Variants in CYRIA observed in about 807,000 individuals in gnomAD.
The protein encoded by CYRIA is CYFIP-related Rac1 interactor A.
Under a neutral mutation model 43.9 loss-of-function variants are expected in CYRIA, and 15 were observed. The ratio of observed to expected loss-of-function variants is 0.34; its 90% confidence interval spans 0.23 to 0.53. The LOEUF (loss-of-function observed/expected upper bound fraction) is 0.53. Among genes scored for constraint, CYRIA ranks in the 20% least tolerant of loss-of-function variants. CYRIA has a pLI of 0.94. For missense variants in CYRIA, 236 were observed against 394.2 expected, an observed-to-expected ratio of 0.60 and a Z score of 3.40; for synonymous variants, 117 against 136.0, an observed-to-expected ratio of 0.86 and a Z score of 0.97.
intron 3 of CYRIA, among the ~76,000 whole-genome samples, chr2:16,571,408 G>A (rs1236943290): frequency 6.6e-6 from 1 of 152,328 alleles, no homozygotes; most frequent in African/African-American, 2.4e-5. Flanking sequence ...TTTGGGGAAG[G>A]TCTTCGGTGA....
At chr2:16,636,849 G>A (rs368303288) in intron 1 of CYRIA, among the ~76,000 whole-genome samples, 32 of 152,184 alleles carry the variant, frequency 2.1e-4, no homozygotes, top group East Asian at 7.7e-4. Flanking sequence ...GGTGGCATGC[G>A]CCTGTAGTTC....
chr2:16,614,417 A>G (rs982127621), intron 2 of CYRIA, among the ~76,000 whole-genome samples: 1 of 152,242 alleles, frequency 6.6e-6, no homozygotes, highest in Non-Finnish European at 1.5e-5. Context: ...GTGTAAGCCC[A>G]GCCTGGCTCC....
intron 2 of CYRIA, among the ~76,000 whole-genome samples, chr2:16,590,791 C>G (rs1406395342): frequency 6.6e-6 from 1 of 152,114 alleles, no homozygotes; most frequent in Non-Finnish European, 1.5e-5. Context: ...TGACTGTGGA[C>G]ACTGTGTAGA....
In CYRIA at chr2:16,612,747, TC is replaced by T. The variant is rs568040630; in HGVS notation, c.-11+11116del. Among the ~76,000 whole-genome samples the T allele has an allele frequency of 2.9e-3, 444 of 152,252 alleles. 2 individuals are homozygous for T. The highest frequency in any genetic ancestry group is 0.025 in the South Asian group (119 of 4,832). On this transcript the variant is annotated intron_variant, in intron 2 of 11. Coordinates refer to ENST00000381323, the MANE Select transcript of CYRIA (RefSeq NM_030797.4). ...ATAGATGCTGCAAAATAGCAATGTC[TC>T]CCCACCAAGCGGAGGTGGATGCTCA...
chr2:16,651,442 AAAT>A (rs1186221796), intron 1 of CYRIA, among the ~76,000 whole-genome samples: 1 of 152,244 alleles, frequency 6.6e-6, no homozygotes, highest in Non-Finnish European at 1.5e-5. Flanking sequence ...CAGCTGGAAA[AAAT>A]CCCTAAACAG....
intron 2 of CYRIA, among the ~76,000 whole-genome samples, chr2:16,613,703 T>C (rs1431609756): frequency 6.6e-6 from 1 of 152,158 alleles, no homozygotes; most frequent in African/African-American, 2.4e-5. Context: ...CGAACACAAA[T>C]GCAGAAATTT....
chr2:16,656,096 G>C (rs1211616573), intron 1 of CYRIA, among the ~76,000 whole-genome samples: 1 of 152,118 alleles, frequency 6.6e-6, no homozygotes, highest in Non-Finnish European at 1.5e-5. Flanking sequence ...AGAGTGCCTG[G>C]CAGATTCCTG....
At chr2:16,613,845 A>T (rs931983594) in intron 2 of CYRIA, among the ~76,000 whole-genome samples, 7 of 152,244 alleles carry the variant, frequency 4.6e-5, no homozygotes, top group African/African-American at 1.7e-4. Flanking sequence ...TAGTAACTCA[A>T]TTGCTGCTTC....
rs759942980 is a variant in CYRIA at position 16,623,883 on chromosome 2, T to C, written c.-30A>G. ...TCTTACCTGGAAATATCTCCTGTGA[T>C]TCAGTTTCACCAATCCAGGCTGATG... On this transcript the variant is annotated 5_prime_UTR_variant, in exon 2 of 12. Coordinates refer to ENST00000381323, the MANE Select transcript of CYRIA (RefSeq NM_030797.4). 3 of 152,242 alleles carry C rather than the reference T, an allele frequency of 2.0e-5. No homozygotes were observed. Among genetic ancestry groups the C allele is most frequent in the African/African-American group, 4.8e-5 (2 of 41,466 alleles). The allele number at this position is 152,242 out of a possible 1,614,324, so 9.4% of individuals were successfully genotyped here.
At chr2:16,623,082 T>A (rs1208939606) in intron 2 of CYRIA, 1 of 152,204 alleles carries the variant, frequency 6.6e-6, no homozygotes, top group African/African-American at 2.4e-5. Flanking sequence ...TGTGTGGCCA[T>A]CTCAGTGTGT....
chr2:16,644,686 G>A (rs942104290), intron 1 of CYRIA, among the ~76,000 whole-genome samples: 1 of 152,196 alleles, frequency 6.6e-6, no homozygotes, highest in African/African-American at 2.4e-5. Context: ...GGCTCTAGAA[G>A]TAACTTCCTT....
intron 1 of CYRIA, among the ~76,000 whole-genome samples, chr2:16,649,086 T>TAACAACAA (rs748632891): frequency 4.8e-4 from 73 of 152,032 alleles, no homozygotes; most frequent in South Asian, 3.5e-3. Context: ...AATAAAAAAA[T>TAACAACAA]AACAACAATA....
intron 2 of CYRIA, among the ~76,000 whole-genome samples, chr2:16,602,819 T>G (rs1479030241): frequency 1.3e-5 from 2 of 152,194 alleles, no homozygotes; most frequent in Non-Finnish European, 2.9e-5. Flanking sequence ...CAAGTTCATT[T>G]TCTAAGACAT....
chr2:16,561,752 T>G (rs1666742342), intron 6 of CYRIA, among the ~76,000 whole-genome samples: 1 of 152,208 alleles, frequency 6.6e-6, no homozygotes, highest in Non-Finnish European at 1.5e-5. Flanking sequence ...TTGGTCTCAA[T>G]GTGGAACAGA....
chr2:16,658,298 G>A lies in CYRIA; in HGVS notation c.-167+7482C>T, dbSNP rs926551236. On this transcript the variant is annotated intron_variant, in intron 1 of 11. Coordinates refer to ENST00000381323, the MANE Select transcript of CYRIA (RefSeq NM_030797.4). ...TTGTCAGAGAAAGGACAAGTTTCAC[G>A]TCATTTCCCACCCAGAGAAACAAAT... is the stretch of plus-strand genomic sequence containing the variant. Among the ~76,000 whole-genome samples the A allele has an allele frequency of 5.3e-5, 8 of 152,298 alleles. No homozygotes were observed. In the South Asian group the frequency reaches 8.3e-4, roughly 16 times the overall value.
intron 3 of CYRIA, among the ~76,000 whole-genome samples, chr2:16,582,598 T>C (rs750897751): frequency 6.6e-6 from 1 of 152,226 alleles, no homozygotes; most frequent in Non-Finnish European, 1.5e-5. Context: ...ACATTTCATA[T>C]AGATGAAATC....
chr2:16,636,689 C>T (rs1262199477), intron 1 of CYRIA, among the ~76,000 whole-genome samples: 1 of 152,054 alleles, frequency 6.6e-6, no homozygotes, highest in African/African-American at 2.4e-5. Context: ...GGTTACAATC[C>T]ATCTGGGACC....
At chr2:16,653,622 G>T (rs1670028346) in intron 1 of CYRIA, among the ~76,000 whole-genome samples, 1 of 152,068 alleles carries the variant, frequency 6.6e-6, no homozygotes, top group Non-Finnish European at 1.5e-5. Flanking sequence ...TTGTGTGTTT[G>T]GTTTACTGCT....
chr2:16,599,698 C>T (rs1668134160), intron 2 of CYRIA, among the ~76,000 whole-genome samples: 1 of 151,406 alleles, frequency 6.6e-6, no homozygotes, highest in Non-Finnish European at 1.5e-5. Context: ...TCTTCTGCGT[C>T]ACTCACGCTG....
Sources: gnomAD v4.1 joint callset for allele counts (sites outside exome capture counted in the v4.1 genomes callset) on GRCh38, gnomAD v4.1.1 for gene constraint, MANE v1.5 for transcripts, NCBI Gene and HGNC (gene_info 2026-07-23, HGNC 2026-07-21) for gene names.